ITCH: variants seen among roughly 807,000 people sequenced by gnomAD.
ITCH encodes itchy E3 ubiquitin protein ligase.
ITCH carries 28 observed loss-of-function variants against 126.8 expected under a neutral mutation model. That is an observed-to-expected ratio of 0.22 (90% CI 0.16 to 0.30). The LOEUF (loss-of-function observed/expected upper bound fraction) is 0.30, where lower values mean the gene tolerates loss of function less well. Among genes scored for constraint, ITCH ranks in the 10% least tolerant of loss-of-function variants. The pLI, the probability that ITCH is intolerant of heterozygous loss-of-function variation, is 1.00. For synonymous variants in ITCH, 342 were observed against 340.0 expected, an observed-to-expected ratio of 1.01 and a Z score of -0.06; for missense variants, 631 against 1,032.4, an observed-to-expected ratio of 0.61 and a Z score of 5.33.
At chr20:34,443,453 G>A (rs1984030586) in intron 10 of ITCH, among the ~76,000 whole-genome samples, 1 of 151,764 alleles carries the variant, frequency 6.6e-6, no homozygotes, top group Admixed American at 6.6e-5. Context: ...GGTGCAGTGA[G>A]CTGAGATTGT....
chr20:34,412,643 T>C lies in ITCH; in HGVS notation c.337+4T>C. On this transcript the variant is annotated splice_donor_region_variant and intron_variant, in intron 5 of 24. Transcript: ENST00000374864. Reference sequence around the variant, plus strand: ...TTAAAGTCAAACAATATGAAACGTATGTATGTAAGACTAATAGAAATTGCA... The same window carrying C: ...TTAAAGTCAAACAATATGAAACGTACGTATGTAAGACTAATAGAAATTGCA... 1.2e-6 allele frequency: 2 copies of C among 1,603,908 alleles called. No individual in the cohort carries two copies. The highest frequency in any genetic ancestry group is 1.7e-6 in the Non-Finnish European group (2 of 1,171,344).
chr20:34,421,203 C>G (rs1181121452), intron 6 of ITCH, among the ~76,000 whole-genome samples: 1 of 152,200 alleles, frequency 6.6e-6, no homozygotes, highest in Non-Finnish European at 1.5e-5. Flanking sequence ...CACCTTTGAA[C>G]TCCTGGCCTC....
At chr20:34,385,434 T>A (rs2038248312) in intron 2 of ITCH, among the ~76,000 whole-genome samples, 1 of 152,034 alleles carries the variant, frequency 6.6e-6, no homozygotes, top group African/African-American at 2.4e-5. Context: ...CACACAAGCA[T>A]TGTTTGCAAG....
chr20:34,476,393 C>A lies in ITCH; in HGVS notation c.1570-1379C>A, dbSNP rs1178901019. The A allele has an allele frequency of 4.0e-6, 5 of 1,257,776 alleles. No individual in the cohort carries two copies. The East Asian group carries it at 9.7e-5, about 24-fold the overall frequency. The allele number at this position is 1,257,776 out of a possible 1,614,324, so 77.9% of individuals were successfully genotyped here. ...CCGCTGGCTCCAGCGCGGGACCCGG[C>A]GTGGTGCAGCCACCGGCCGGCCGGG... On this transcript the variant is annotated intron_variant, in intron 16 of 24. Transcript: ENST00000374864.
intron 6 of ITCH, 40 bp downstream of exon 6, chr20:34,413,919 T>G: frequency 6.7e-7 from 1 of 1,493,338 alleles, no homozygotes; most frequent in Non-Finnish European, 9.3e-7. Context: ...TGATTCTTCT[T>G]AAATAAAATA....
chr20:34,496,572 G>C (rs111885623), intron 23 of ITCH, among the ~76,000 whole-genome samples: 2,981 of 152,176 alleles, frequency 0.02, 93 homozygotes, highest in African/African-American at 0.059. Context: ...TTGGGAGGCC[G>C]AGACGGGTGG....
chr20:34,426,406 T>G (rs1246591087), intron 7 of ITCH, among the ~76,000 whole-genome samples: 2 of 152,172 alleles, frequency 1.3e-5, no homozygotes, highest in Non-Finnish European at 2.9e-5. Flanking sequence ...ATTGTATTAG[T>G]CTATCTGCAT....
At chr20:34,449,086 G>C (rs1457552730) in intron 11 of ITCH, among the ~76,000 whole-genome samples, 2 of 152,016 alleles carry the variant, frequency 1.3e-5, no homozygotes, top group Admixed American at 6.6e-5. Context: ...ATGACTTTTG[G>C]GGGGGTTATA....
chr20:34,393,367 G>A (rs1166275575), intron 2 of ITCH, among the ~76,000 whole-genome samples: 1 of 152,084 alleles, frequency 6.6e-6, no homozygotes, highest in Non-Finnish European at 1.5e-5. Flanking sequence ...AAAATTAGGC[G>A]AGCATGGTGG....
chr20:34,368,920 C>T (rs975266885), intron 1 of ITCH, among the ~76,000 whole-genome samples: 2 of 152,104 alleles, frequency 1.3e-5, no homozygotes, highest in Non-Finnish European at 1.5e-5. Flanking sequence ...AATCATTTTC[C>T]CTCAGTTCTT....
chr20:34,496,691 T>C (rs757770024), intron 23 of ITCH, among the ~76,000 whole-genome samples: 3 of 150,418 alleles, frequency 2.0e-5, no homozygotes, highest in Admixed American at 6.6e-5. Flanking sequence ...TCATCCCAAC[T>C]ACTCAGGAGG....
intron 23 of ITCH, among the ~76,000 whole-genome samples, chr20:34,496,261 G>C (rs1456840683): frequency 6.6e-6 from 1 of 151,988 alleles, no homozygotes; most frequent in Non-Finnish European, 1.5e-5. Flanking sequence ...TTGTTATTTT[G>C]AGAGATATCT....
At chr20:34,402,451 A>G in intron 3 of ITCH, 3 of 769,322 alleles carry the variant, frequency 3.9e-6, no homozygotes, top group South Asian at 2.7e-5. Context: ...ATGAAAATGG[A>G]GAGATGGAGA....
At chr20:34,419,059 A>G (rs1346728134) in intron 6 of ITCH, among the ~76,000 whole-genome samples, 2 of 152,094 alleles carry the variant, frequency 1.3e-5, no homozygotes, top group South Asian at 2.1e-4. Flanking sequence ...CACCGCGCCC[A>G]GCTGTAAAAC....
intron 2 of ITCH, among the ~76,000 whole-genome samples, chr20:34,383,836 CTTTTTTTTTTT>C (rs745864966): frequency 1.5e-5 from 1 of 68,658 alleles, no homozygotes; most frequent in African/African-American, 5.6e-5. Flanking sequence ...GTCTGTAATT[CTTTTTTTTTTT>C]TTTTTTTTTT....
chr20:34,506,404 A>C (rs1990622907), intron 24 of ITCH, among the ~76,000 whole-genome samples: 1 of 152,174 alleles, frequency 6.6e-6, no homozygotes, highest in Non-Finnish European at 1.5e-5. Flanking sequence ...CCATTAAAGC[A>C]GGGGTCCCCA....
chr20:34,398,852 T>C (rs1186756711), intron 3 of ITCH, among the ~76,000 whole-genome samples: 1 of 152,010 alleles, frequency 6.6e-6, no homozygotes, highest in Non-Finnish European at 1.5e-5. Context: ...TTATTAGATA[T>C]GAAACAGAGA....
Position 34,442,233 on chromosome 20 carries a change from G to A in ITCH, c.895G>A (p.Gly299Arg), listed in dbSNP as rs755013435. Residue 299 changes from glycine (G) to arginine (R), a missense_variant, in exon 10 of 25, where the codon GGG (glycine) becomes AGG (arginine). Physicochemically the swap from Gly to Arg is moderately radical, Grantham distance 125. Around this residue, in one of 4 missense-constraint regions of ITCH, gnomAD observed 390 missense variants for 731.6 expected, o/e 0.53. Coordinates refer to ENST00000374864, the MANE Select transcript of ITCH (RefSeq NM_031483.7). ...PGWEQRVDQH[G>R]RVYYVDHVEK... The stretch of plus-strand genomic sequence containing the variant: ...TTGGGAGCAGAGAGTGGACCAGCAC[G>A]GGCGAGTTTACTATGTAGATCATGT... 12 of 1,613,858 alleles carry A rather than the reference G, an allele frequency of 7.4e-6. No homozygotes were observed. The highest frequency in any genetic ancestry group is 2.2e-5 in the South Asian group (2 of 91,084).
At chr20:34,421,100 G>A (rs1980704631) in intron 6 of ITCH, among the ~76,000 whole-genome samples, 1 of 152,084 alleles carries the variant, frequency 6.6e-6, no homozygotes, top group African/African-American at 2.4e-5. Context: ...ACTTGTGTCT[G>A]TTCACTTTGT....
Sources: gnomAD v4.1 joint callset for allele counts (sites outside exome capture counted in the v4.1 genomes callset) on GRCh38, gnomAD v4.1.1 for gene constraint, gnomAD v4.1.1 regional missense constraint, MANE v1.5 for transcripts, NCBI Gene and HGNC (gene_info 2026-07-23, HGNC 2026-07-21) for gene names.